CIITA: variants seen among roughly 807,000 people sequenced by gnomAD.
CIITA encodes MHC class II transactivator.
CIITA carries 72 observed loss-of-function variants against 115.1 expected under a neutral mutation model. That is an observed-to-expected ratio of 0.63 (90% CI 0.52 to 0.76). The LOEUF (loss-of-function observed/expected upper bound fraction) is 0.76. Ranked by LOEUF, CIITA falls within the 30% of genes least tolerant of loss-of-function variation. The pLI is 0.00. For synonymous variants in CIITA, 763 were observed against 635.6 expected, an observed-to-expected ratio of 1.20 and a Z score of -3.02; for missense variants, 1,617 against 1,463.8, an observed-to-expected ratio of 1.10 and a Z score of -1.71.
At chr16:10,881,255 A>C (rs2036401803) in intron 1 of CIITA, among the ~76,000 whole-genome samples, 1 of 151,906 alleles carries the variant, frequency 6.6e-6, no homozygotes, top group Non-Finnish European at 1.5e-5. Flanking sequence ...CTGAGATTGC[A>C]CCACTGCACG....
Position 10,907,532 on chromosome 16 carries a change from C to T in CIITA, c.2040C>T (p.Phe680=), listed in dbSNP as rs748246018. Residue 680 remains phenylalanine (F), a synonymous_variant, in exon 11 of 20, where the codon TTC becomes TTT. Coordinates refer to ENST00000324288, the MANE Select transcript of CIITA (RefSeq NM_000246.4). The surrounding 1 kb of genome is among the most constrained non-coding windows in gnomAD (Gnocchi z 5.0). ...AAAGTACCCTACAGGAGGACCAGTTCCCATCCGCAGACGTGAGGACCTGGG... is the reference window on the plus strand; with the variant it reads ...AAAGTACCCTACAGGAGGACCAGTTTCCATCCGCAGACGTGAGGACCTGGG... ...RHQSTLQEDQ[F]PSADVRTWAM... 1.9e-6 allele frequency: 3 copies of T among 1,614,158 alleles called. No individual in the cohort carries two copies. The highest frequency in any genetic ancestry group is 2.5e-6 in the Non-Finnish European group (3 of 1,180,040).
chr16:10,915,560 T>C lies in CIITA; in HGVS notation c.2889-10T>C, dbSNP rs1567438348. 2.5e-6 allele frequency: 4 copies of C among 1,612,814 alleles called. No homozygotes were observed. Among genetic ancestry groups the C allele is most frequent in the Non-Finnish European group, 3.4e-6 (4 of 1,178,810 alleles). ...GACTGGAGGTCTTACCCTTGCTCTTTGCCTCCTAGGCTGGGCCCTGTCTCA... is the reference window on the plus strand; with the variant it reads ...GACTGGAGGTCTTACCCTTGCTCTTCGCCTCCTAGGCTGGGCCCTGTCTCA... On this transcript the variant is annotated splice_polypyrimidine_tract_variant and intron_variant, in intron 13 of 19. Transcript: ENST00000324288.
In CIITA at chr16:10,927,692, A is replaced by G. The variant is rs1458878718; in HGVS notation, c.*3837A>G. 6.6e-6 allele frequency: 1 copy of G among 152,202 alleles called. No individual in the cohort carries two copies. The highest frequency in any genetic ancestry group is 2.4e-5 in the African/African-American group (1 of 41,446). 9.4% of individuals were successfully genotyped at this position (152,202 alleles called of 1,614,324 possible). On this transcript the variant is annotated 3_prime_UTR_variant, in exon 20 of 20. Coordinates refer to ENST00000324288, the MANE Select transcript of CIITA (RefSeq NM_000246.4). The stretch of plus-strand genomic sequence containing the variant: ...GTCCTGGTGTGGAGCCTTTTAACCC[A>G]GAGGGGCATCTTTTCGTAGTTAACG...
At chr16:10,921,554 A>G (rs889009393) in intron 16 of CIITA, among the ~76,000 whole-genome samples, 1 of 152,206 alleles carries the variant, frequency 6.6e-6, no homozygotes, top group Non-Finnish European at 1.5e-5. Context: ...TCCTCCCCAC[A>G]ATGACTCTAT....
At chr16:10,900,716 G>C (rs1405827747) in intron 5 of CIITA, among the ~76,000 whole-genome samples, 1 of 151,492 alleles carries the variant, frequency 6.6e-6, no homozygotes, top group Non-Finnish European at 1.5e-5. Context: ...CTCCAGCCTG[G>C]GCAACAGAGC....
intron 7 of CIITA, 28 bp from the exon 8 acceptor site, chr16:10,902,630 C>G (rs1283178304): frequency 2.5e-6 from 4 of 1,613,776 alleles, no homozygotes; most frequent in Non-Finnish European, 3.4e-6. Context: ...TATGCAAGAT[C>G]CCACCTCACT....
In CIITA at chr16:10,931,742, T is replaced by C. The variant is rs1202859026; in HGVS notation, c.*7887T>C. Reference sequence around the variant, plus strand: ...AAAACAAACAAACAAAAATACAAAATTCGCTGGGCATGGTGGCAGGTGCCT... The same window carrying C: ...AAAACAAACAAACAAAAATACAAAACTCGCTGGGCATGGTGGCAGGTGCCT... On this transcript the variant is annotated 3_prime_UTR_variant, in exon 20 of 20. Coordinates refer to ENST00000324288, the MANE Select transcript of CIITA (RefSeq NM_000246.4). 6.6e-6 allele frequency: 1 copy of C among 152,000 alleles called. No individual in the cohort carries two copies. Among genetic ancestry groups the C allele is most frequent in the Non-Finnish European group, 1.5e-5 (1 of 68,016 alleles). The allele number at this position is 152,000 out of a possible 1,614,324, so 9.4% of individuals were successfully genotyped here. A position where few individuals can be genotyped will look rare whatever the true frequency, so the allele number is the denominator to read the frequency against.
Position 10,901,862 on chromosome 16 carries a change from G to T in CIITA, c.482-176G>T. On this transcript the variant is annotated intron_variant, in intron 6 of 19. Coordinates refer to ENST00000324288, the MANE Select transcript of CIITA (RefSeq NM_000246.4). This position sits in a 1 kb window ranked among gnomAD's most constrained non-coding sequence, Gnocchi z 6.8. ...TCTCAGAGCCAAGTCACAAGGAGAGGACTGGGGGACTGCCTGGCACAGAGC... is the reference window on the plus strand; with the variant it reads ...TCTCAGAGCCAAGTCACAAGGAGAGTACTGGGGGACTGCCTGGCACAGAGC... The T allele has an allele frequency of 1.1e-6, 1 of 918,582 alleles. No homozygotes were observed. The allele number at this position is 918,582 out of a possible 1,614,324, so 56.9% of individuals were successfully genotyped here.
At chr16:10,938,111 CTCTTACTATATACAAGGAGA>C (rs1351637735), downstream of CIITA, 1 of 152,214 alleles carries the variant, frequency 6.6e-6, no homozygotes, top group Non-Finnish European at 1.5e-5. The surrounding 1 kb of genome is among the most constrained non-coding windows in gnomAD (Gnocchi z 4.9). Flanking sequence ...ATTAATACAT[CTCTTACTATATACAAGGAGA>C]TCTAAGTGCT....
intron 3 of CIITA, 39 bp from the exon 4 acceptor site, chr16:10,898,631 G>C (rs2038384516): frequency 6.3e-7 from 1 of 1,583,664 alleles, no homozygotes; most frequent in East Asian, 2.3e-5. Flanking sequence ...CCTTCAGTTA[G>C]ACCTTGTTGA....
intron 1 of CIITA, among the ~76,000 whole-genome samples, chr16:10,887,564 C>T (rs1042942509): frequency 7.9e-5 from 12 of 151,504 alleles, no homozygotes; most frequent in East Asian, 3.9e-4. Flanking sequence ...GGCGTGATCT[C>T]GGCTCACTGC....
At position 10,932,723 on chromosome 16, in the gene CIITA, T is replaced by C. The variant is rs933097608; in HGVS notation, c.*8868T>C. 2.9e-5 allele frequency: 4 copies of C among 137,438 alleles called. No homozygotes were observed. The highest frequency in any genetic ancestry group is 6.2e-5 in the Non-Finnish European group (4 of 64,566). 8.5% of individuals were successfully genotyped at this position (137,438 alleles called of 1,614,324 possible). On this transcript the variant is annotated 3_prime_UTR_variant, in exon 20 of 20. Coordinates refer to ENST00000324288, the MANE Select transcript of CIITA (RefSeq NM_000246.4). ...TTTTTTTTTTTTTTTTGAGACAGGG[T>C]CTTGCTTTGTCACCCAGGCTGGAGG... is the stretch of plus-strand genomic sequence containing the variant.
At chr16:10,913,867 G>A (rs1388158329) in intron 13 of CIITA, among the ~76,000 whole-genome samples, 1 of 151,874 alleles carries the variant, frequency 6.6e-6, no homozygotes, top group Non-Finnish European at 1.5e-5. Flanking sequence ...TTTGAAACCG[G>A]GAGGCGGAGG....
chr16:10,916,144 A>G (rs2144987088), intron 14 of CIITA, among the ~76,000 whole-genome samples: 1 of 152,358 alleles, frequency 6.6e-6, no homozygotes, highest in East Asian at 1.9e-4. Context: ...CAGGGATTCA[A>G]GTCCATCATG....
At position 10,935,357 on chromosome 16, in the gene CIITA, C is replaced by T. The variant is rs1036599952; in HGVS notation, c.*11502C>T. The T allele has an allele frequency of 2.0e-5, 3 of 152,162 alleles. No individual in the cohort carries two copies. Among genetic ancestry groups the T allele is most frequent in the Admixed American group, 6.5e-5 (1 of 15,274 alleles). 9.4% of individuals were successfully genotyped at this position (152,162 alleles called of 1,614,324 possible). Reference sequence around the variant, plus strand: ...TGCTGGTATATCTTATGTTTATCACCCGACAGTTGTTAATCTCTTTTTAAC... The same window carrying T: ...TGCTGGTATATCTTATGTTTATCACTCGACAGTTGTTAATCTCTTTTTAAC... On this transcript the variant is annotated 3_prime_UTR_variant, in exon 20 of 20. Coordinates refer to ENST00000324288, the MANE Select transcript of CIITA (RefSeq NM_000246.4).
chr16:10,906,995 C>G lies in CIITA; in HGVS notation c.1503C>G (p.Phe501Leu), dbSNP rs768999342. The G allele has an allele frequency of 6.2e-7, 1 of 1,610,496 alleles. No homozygotes were observed. The highest frequency in any genetic ancestry group is 2.2e-5 in the East Asian group (1 of 44,822). ...GCGTTCTGCTCATCCTAGACGGCTTCGAGGAGCTGGAAGCGCAAGATGGCT... is the reference window on the plus strand; with the variant it reads ...GCGTTCTGCTCATCCTAGACGGCTTGGAGGAGCTGGAAGCGCAAGATGGCT... Reference protein sequence around the residue: ...PDRVLLILDGFEELEAQDGFL... With the variant: ...PDRVLLILDGLEELEAQDGFL... The change falls in exon 11 of 20, where the codon TTC (phenylalanine) becomes TTG (leucine). Residue 501 changes from phenylalanine (F) to leucine (L), a missense_variant. Transcript: ENST00000324288.
At chr16:10,878,522 C>T (rs1285531454) in intron 1 of CIITA, among the ~76,000 whole-genome samples, 1 of 152,224 alleles carries the variant, frequency 6.6e-6, no homozygotes, top group African/African-American at 2.4e-5. Context: ...GGGATTTTCT[C>T]TTCCTCCCTA....
rs2036163130 is a variant in CIITA at position 10,879,264 on chromosome 16, G to T, written c.52+1882G>T. 6.6e-6 allele frequency among the ~76,000 whole-genome samples: 1 copy of T among 152,194 alleles called. No individual in the cohort carries two copies. The highest frequency in any genetic ancestry group is 2.4e-5 in the African/African-American group (1 of 41,454). ...CCCGGAGCTTGGCTTGCTGTGCCCA[G>T]AGCTCCGGGGCCGTGGGCGGGTGGC... On this transcript the variant is annotated intron_variant, in intron 1 of 19. Transcript: ENST00000324288. This position sits in a 1 kb window ranked among gnomAD's most constrained non-coding sequence, Gnocchi z 4.3.
At position 10,941,728 on chromosome 16, in the gene CIITA, T is replaced by C. The variant is rs1471102141; in HGVS notation, n.854T>C. The C allele has an allele frequency of 1.7e-5, 27 of 1,608,870 alleles. No individual in the cohort carries two copies. Among genetic ancestry groups the C allele is most frequent in the Non-Finnish European group, 2.3e-5 (27 of 1,177,420 alleles). ...ACAGCAGTCGAGACCCTACTCCAAG[T>C]ACGCATCAAAGACGTCGAGCTCCGA... On this transcript the variant is annotated non_coding_transcript_exon_variant, in exon 2 of 2. Transcript: ENST00000573379. The surrounding 1 kb of genome is among the most constrained non-coding windows in gnomAD (Gnocchi z 6.4).
Sources: allele counts gnomAD v4.1 joint callset (sites outside exome capture counted in the v4.1 genomes callset), GRCh38; gene constraint gnomAD v4.1.1; non-coding constraint Gnocchi (gnomAD v3.1); transcripts MANE v1.5; gene names NCBI Gene and HGNC (gene_info 2026-07-23, HGNC 2026-07-21).